RXFP1: variants seen among roughly 807,000 people sequenced by gnomAD.
The protein encoded by RXFP1 is relaxin family peptide receptor 1.
In RXFP1, 73 loss-of-function variants were observed where a neutral mutation model predicts 89.8. The observed-to-expected ratio is 0.81, with a 90% CI of 0.67 to 0.99. The LOEUF (loss-of-function observed/expected upper bound fraction) is 0.99. Among genes scored for constraint, RXFP1 ranks in the 50% least tolerant of loss-of-function variants. RXFP1 has a pLI of 0.00. For synonymous variants in RXFP1, 277 were observed against 305.5 expected (o/e 0.91, Z 0.97); for missense variants, 793 against 895.5 (o/e 0.89, Z 1.46).
chr4:158,614,046 T>C (rs1319445409), intron 8 of RXFP1, among the ~76,000 whole-genome samples: 1 of 152,160 alleles, frequency 6.6e-6, no homozygotes, highest in Non-Finnish European at 1.5e-5. Context: ...CAGTGAGCAG[T>C]GTATCTTGAA....
rs35872724 is a variant in RXFP1 at position 158,627,504 on chromosome 4, G to GGTGTGTGTGT, written c.827+650_827+659dup. On this transcript the variant is annotated intron_variant, in intron 10 of 17. Coordinates refer to ENST00000307765, the MANE Select transcript of RXFP1 (RefSeq NM_021634.4). ...AAATGTATTGTTTCATGAGCCTTAG[G>GGTGTGTGTGT]GTGTGTGTGTGTGTGTGTGTGTGTG... 8.0e-3 allele frequency among the ~76,000 whole-genome samples: 1,149 copies of GGTGTGTGTGT among 143,422 alleles called. 16 individuals are homozygous for GGTGTGTGTGT. Among genetic ancestry groups the GGTGTGTGTGT allele is most frequent in the African/African-American group, 0.028 (1,085 of 38,836 alleles). The allele number at this position is 143,422 out of a possible 152,430, so 94.1% of individuals were successfully genotyped here. A position where few individuals can be genotyped will look rare whatever the true frequency, so the allele number is the denominator to read the frequency against.
intron 1 of RXFP1, among the ~76,000 whole-genome samples, chr4:158,534,890 TAAG>T (rs1744925774): frequency 2.9e-5 from 3 of 104,570 alleles, no homozygotes; most frequent in Admixed American, 1.3e-4. Flanking sequence ...TTACCTATAA[TAAG>T]TAATTTTTAT....
intron 1 of RXFP1, among the ~76,000 whole-genome samples, chr4:158,548,653 C>A (rs1402119530): frequency 6.6e-6 from 1 of 152,128 alleles, no homozygotes; most frequent in East Asian, 1.9e-4. Flanking sequence ...CTGGTGGTGA[C>A]AAAATCTCTC....
intron 1 of RXFP1, among the ~76,000 whole-genome samples, chr4:158,540,818 C>T (rs1746423383): frequency 6.6e-6 from 1 of 152,052 alleles, no homozygotes; most frequent in Non-Finnish European, 1.5e-5. Context: ...GTGGGGAGCA[C>T]ACACTACGGA....
chr4:158,629,608 AT>A (rs60503812), intron 11 of RXFP1, among the ~76,000 whole-genome samples: 2 of 151,586 alleles, frequency 1.3e-5, no homozygotes, highest in Non-Finnish European at 2.9e-5. Flanking sequence ...TTTAGTGTCA[AT>A]TTTTTTCTTT....
rs1055379492 is a variant in RXFP1, at chr4:158,652,897, T to C, written c.*842T>C. 2 of 152,216 alleles carry C rather than the reference T, an allele frequency of 1.3e-5. No individual in the cohort carries two copies. The highest frequency in any genetic ancestry group is 2.9e-5 in the Non-Finnish European group (2 of 68,042). 9.4% of individuals were successfully genotyped at this position (152,216 alleles called of 1,614,324 possible). A position where few individuals can be genotyped will look rare whatever the true frequency, so the allele number is the denominator to read the frequency against. ...ACAAGGATGCCAAGACAAAAAGGCT[T>C]TTCAACAAACCGTGCTGTTTTAAGA... On this transcript the variant is annotated 3_prime_UTR_variant, in exon 18 of 18. Transcript: ENST00000307765.
intron 8 of RXFP1, among the ~76,000 whole-genome samples, chr4:158,616,518 T>C (rs1485338636): frequency 6.7e-6 from 1 of 149,498 alleles, no homozygotes; most frequent in Non-Finnish European, 1.5e-5. Flanking sequence ...TTAAATCATC[T>C]CCTTTCCACC....
At chr4:158,651,350 G>T (rs1183215351) in intron 17 of RXFP1, among the ~76,000 whole-genome samples, 1 of 152,120 alleles carries the variant, frequency 6.6e-6, no homozygotes, top group Non-Finnish European at 1.5e-5. Flanking sequence ...TACATATTCT[G>T]ACAAATACTA....
rs10603295 is a variant in RXFP1, at chr4:158,538,804, CAA to C, written c.49+16796_49+16797del. Among the ~76,000 whole-genome samples, 781 of 85,026 alleles carry C rather than the reference CAA, an allele frequency of 9.2e-3. 7 individuals are homozygous for C. Among genetic ancestry groups the C allele is most frequent in the South Asian group, 0.044 (102 of 2,300 alleles). 55.8% of individuals were successfully genotyped at this position (85,026 alleles called of 152,430 possible). On this transcript the variant is annotated intron_variant, in intron 1 of 17. Coordinates refer to ENST00000307765, the MANE Select transcript of RXFP1 (RefSeq NM_021634.4). ...GGGCAACAAGAGTGAAATGCCGTCT[CAA>C]AAAAAAAAAAAAAAAAGAATAGGTA... is the stretch of plus-strand genomic sequence containing the variant.
intron 1 of RXFP1, among the ~76,000 whole-genome samples, chr4:158,569,765 C>T (rs1422374279): frequency 6.6e-6 from 1 of 151,898 alleles, no homozygotes; most frequent in Non-Finnish European, 1.5e-5. Flanking sequence ...GAGATACAAA[C>T]AAATAACGAC....
intron 1 of RXFP1, among the ~76,000 whole-genome samples, chr4:158,538,298 A>T (rs1745741831): frequency 1.3e-5 from 2 of 152,164 alleles, no homozygotes; most frequent in Non-Finnish European, 1.5e-5. Flanking sequence ...CAGGCGTGGA[A>T]GCAGGAAGTC....
At chr4:158,561,569 T>G (rs1450546329) in intron 1 of RXFP1, among the ~76,000 whole-genome samples, 1 of 152,110 alleles carries the variant, frequency 6.6e-6, no homozygotes, top group Non-Finnish European at 1.5e-5. Context: ...TCTAAAACTC[T>G]TATGTTTCCA....
At chr4:158,533,143 C>T (rs1239814225) in intron 1 of RXFP1, among the ~76,000 whole-genome samples, 3 of 152,034 alleles carry the variant, frequency 2.0e-5, no homozygotes, top group Non-Finnish European at 4.4e-5. Context: ...ATGTTCAAGA[C>T]CAATATGGTA....
At chr4:158,538,574 G>A (rs1292875483) in intron 1 of RXFP1, among the ~76,000 whole-genome samples, 2 of 152,070 alleles carry the variant, frequency 1.3e-5, no homozygotes, top group Admixed American at 6.5e-5. Context: ...AACACTTTAG[G>A]AAGCCAAGGC....
chr4:158,607,142 A>G lies in RXFP1; in HGVS notation c.465-830A>G, dbSNP rs140761855. The stretch of plus-strand genomic sequence containing the variant: ...TTCCCGCAATCTGGGGCAAGTACAC[A>G]TAGAAGTGCAAAACTTTGTGTGGGT... On this transcript the variant is annotated intron_variant, in intron 5 of 17. Coordinates refer to ENST00000307765, the MANE Select transcript of RXFP1 (RefSeq NM_021634.4). 434 of 1,531,420 alleles carry G rather than the reference A, an allele frequency of 2.8e-4. 1 individual carries two copies. In the African/African-American group the frequency reaches 5.1e-3, roughly 18 times the overall value. The allele number at this position is 1,531,420 out of a possible 1,614,324, so 94.9% of individuals were successfully genotyped here.
At chr4:158,543,984 G>T (rs191234600) in intron 1 of RXFP1, 3 of 985,254 alleles carry the variant, frequency 3.0e-6, no homozygotes, top group Admixed American at 6.2e-5. Flanking sequence ...GCCATGTTTC[G>T]TCCATTTTGC....
At chr4:158,544,136 A>T in intron 1 of RXFP1, 1 of 981,360 alleles carries the variant, frequency 1.0e-6, no homozygotes, top group South Asian at 4.7e-5. Context: ...AATATAAATG[A>T]AGGAGAATCT....
intron 1 of RXFP1, among the ~76,000 whole-genome samples, chr4:158,524,151 A>G (rs145600832): frequency 3.0e-4 from 45 of 152,252 alleles, no homozygotes; most frequent in African/African-American, 1.0e-3. Context: ...CAACTCTATT[A>G]TGTGGATACA....
intron 2 of RXFP1, among the ~76,000 whole-genome samples, chr4:158,588,354 C>A (rs1031684002): frequency 6.6e-6 from 1 of 152,092 alleles, no homozygotes; most frequent in Admixed American, 6.6e-5. Flanking sequence ...TGGAAAAAAC[C>A]GGAAACTACT....
Sources: gnomAD v4.1 joint callset for allele counts (sites outside exome capture counted in the v4.1 genomes callset) on GRCh38, gnomAD v4.1.1 for gene constraint, MANE v1.5 for transcripts, NCBI Gene and HGNC (gene_info 2026-07-23, HGNC 2026-07-21) for gene names.